Variants in ABCA13 observed in about 807,000 individuals in gnomAD.
The protein encoded by ABCA13 is ATP-binding cassette sub-family A member 13.
A neutral mutation model predicts 478.7 loss-of-function variants in ABCA13; 476 were observed. The observed-to-expected ratio is 0.99, with a 90% CI of 0.92 to 1.07. ABCA13 has a LOEUF of 1.07. ABCA13 is among the 50% of genes least tolerant of loss of function. The pLI, the probability that ABCA13 is intolerant of heterozygous loss-of-function variation, is 0.00. For missense variants in ABCA13, 6,060 were observed against 5,910.6 expected (o/e 1.03, Z -0.83); for synonymous variants, 2,252 against 2,158.9 (o/e 1.04, Z -1.20).
chr7:48,294,075 AT>A (rs199563157), intron 20 of ABCA13, among the ~76,000 whole-genome samples: 48 of 151,082 alleles, frequency 3.2e-4, no homozygotes, highest in Middle Eastern at 3.4e-3. Context: ...AGTTTCTTTA[AT>A]TTTTTTTTCA....
intron 23 of ABCA13, among the ~76,000 whole-genome samples, chr7:48,299,935 G>T (rs957573643): frequency 6.6e-6 from 1 of 152,176 alleles, no homozygotes; most frequent in East Asian, 1.9e-4. Flanking sequence ...TAAACAGCTG[G>T]ACAGTTAAGT....
intron 44 of ABCA13, among the ~76,000 whole-genome samples, chr7:48,469,790 C>T (rs2017490): frequency 0.16 from 24,139 of 151,874 alleles, 2,444 homozygotes; most frequent in East Asian, 0.23. Context: ...TAAGGTGGTG[C>T]GCACCCATAA....
intron 31 of ABCA13, among the ~76,000 whole-genome samples, chr7:48,356,591 AT>A (rs886911616): frequency 2.6e-5 from 4 of 151,722 alleles, no homozygotes; most frequent in African/African-American, 9.7e-5. Context: ...TTAACTAAAA[AT>A]TTTCCACTTT....
At chr7:48,242,837 C>G (rs909486760) in intron 10 of ABCA13, among the ~76,000 whole-genome samples, 23 of 152,332 alleles carry the variant, frequency 1.5e-4, no homozygotes, top group African/African-American at 5.5e-4. Flanking sequence ...AACCCCATCC[C>G]TTTTTCACTA....
intron 41 of ABCA13, among the ~76,000 whole-genome samples, chr7:48,417,532 T>G (rs1007351861): frequency 6.6e-6 from 1 of 152,136 alleles, no homozygotes; most frequent in Non-Finnish European, 1.5e-5. Flanking sequence ...TTTAAAAACC[T>G]TTTAAAGAGC....
Position 48,273,540 on chromosome 7 carries a change from A to T in ABCA13, c.3874A>T (p.Ser1292Cys). 6.3e-7 allele frequency: 1 copy of T among 1,583,936 alleles called. No individual in the cohort carries two copies. The highest frequency in any genetic ancestry group is 1.3e-5 in the African/African-American group (1 of 74,578). The change falls in exon 17 of 62, where the codon AGC becomes TGC. Residue 1292 changes from serine (S) to cysteine (C), a missense_variant. Ser to Cys is a moderately radical substitution (Grantham distance 112). This residue lies in a region of ABCA13 where 4,423 missense variants were observed against 4,309.1 expected (regional missense o/e 1.03). Transcript: ENST00000435803. ...NSLLEVFIEF[S>C]STSEYIVRNL... is the part of the protein sequence containing the mutation. The stretch of plus-strand genomic sequence containing the variant: ...TCTGCTTGAAGTTTTCATTGAGTTT[A>T]GCAGTACCTCAGAATATATAGTCAG...
intron 54 of ABCA13, among the ~76,000 whole-genome samples, chr7:48,525,670 C>CAAT (rs1832840025): frequency 1.5e-5 from 1 of 68,306 alleles, no homozygotes; most frequent in Non-Finnish European, 2.9e-5. Context: ...TTTAGATGCG[C>CAAT]TTTTTTTTTT....
At position 48,276,253 on chromosome 7, in the gene ABCA13, C is replaced by T. The variant is rs767025725; in HGVS notation, c.6587C>T (p.Thr2196Ile). 1 of 1,572,640 alleles carries T rather than the reference C, an allele frequency of 6.4e-7. No individual in the cohort carries two copies. Among genetic ancestry groups the T allele is most frequent in the East Asian group, 2.3e-5 (1 of 43,222 alleles). Residue 2196 changes from threonine to isoleucine, a missense_variant, in exon 17 of 62, where the codon ACT (threonine) becomes ATT (isoleucine). Physicochemically the swap from Thr to Ile is moderately conservative, Grantham distance 89. Coordinates refer to ENST00000435803, the MANE Select transcript of ABCA13 (RefSeq NM_152701.5). The stretch of plus-strand genomic sequence containing the variant: ...CATCTGCTAAATCAAGAACAGCTGA[C>T]TAATTTCTCAGTTGTTCAGCTGCTT... The part of the protein sequence containing the change: ...LTHLLNQEQL[T>I]NFSVVQLLFE...
At chr7:48,193,158 T>A (rs1797329612) in intron 2 of ABCA13, 106 bp downstream of exon 2, 11 of 773,746 alleles carry the variant, frequency 1.4e-5, no homozygotes, top group Non-Finnish European at 2.3e-5. Context: ...GTGAAATGAA[T>A]AGATAGGGTT....
At chr7:48,632,877 A>G (rs1794280146) in intron 59 of ABCA13, among the ~76,000 whole-genome samples, 1 of 152,212 alleles carries the variant, frequency 6.6e-6, no homozygotes, top group Non-Finnish European at 1.5e-5. Flanking sequence ...ATGCAAAAGT[A>G]TGAAGCTGGG....
In ABCA13 at chr7:48,307,537, G is replaced by A. The variant is rs552776575; in HGVS notation, c.9322-2410G>A. ...GTGAGTCAGTGAGTGAGTGGCAAGC[G>A]GATGTGCAGGCCTAGGACATGCCTG... On this transcript the variant is annotated intron_variant, in intron 23 of 61. Coordinates refer to ENST00000435803, the MANE Select transcript of ABCA13 (RefSeq NM_152701.5). Among the ~76,000 whole-genome samples, 362 of 152,198 alleles carry A rather than the reference G, an allele frequency of 2.4e-3. 14 individuals are homozygous for A. In the South Asian group the frequency reaches 0.067, roughly 28 times the overall value.
rs1358032896 is a variant in ABCA13 at position 48,641,233 on chromosome 7, C to T, written c.14838-2055C>T. Among the ~76,000 whole-genome samples, 3 of 152,270 alleles carry T rather than the reference C, an allele frequency of 2.0e-5. No homozygotes were observed. In the East Asian group the frequency reaches 5.8e-4, roughly 29 times the overall value. ...CCTAATATGCATAAGAACATACAGC[C>T]ATCTCTGTGCCACTGTCTCCTCATA... On this transcript the variant is annotated intron_variant, in intron 59 of 61. Coordinates refer to ENST00000435803, the MANE Select transcript of ABCA13 (RefSeq NM_152701.5).
At chr7:48,543,020 C>T (rs1834038776) in intron 55 of ABCA13, among the ~76,000 whole-genome samples, 1 of 151,638 alleles carries the variant, frequency 6.6e-6, no homozygotes, top group Non-Finnish European at 1.5e-5. Flanking sequence ...ACACATTTTA[C>T]ATTAGTGATA....
At chr7:48,280,050 T>A in intron 18 of ABCA13, 130 bp downstream of exon 18, 1 of 1,041,598 alleles carries the variant, frequency 9.6e-7, no homozygotes, top group Non-Finnish European at 1.3e-6. Flanking sequence ...CACTCTGAAG[T>A]TGGCTTCAAC....
intron 58 of ABCA13, among the ~76,000 whole-genome samples, chr7:48,606,260 C>T (rs767989443): frequency 2.6e-5 from 4 of 152,094 alleles, no homozygotes; most frequent in African/African-American, 2.4e-5. Context: ...CCCTTGATGG[C>T]GAGGAGTTGT....
At position 48,520,260 on chromosome 7, in the gene ABCA13, G is replaced by T. The variant is rs1832450539; in HGVS notation, c.14017G>T (p.Val4673Phe). 2 of 1,613,150 alleles carry T rather than the reference G, an allele frequency of 1.2e-6. No individual in the cohort carries two copies. Among genetic ancestry groups the T allele is most frequent in the Non-Finnish European group, 1.7e-6 (2 of 1,179,600 alleles). Residue 4673 changes from valine to phenylalanine, a missense_variant, in exon 53 of 62, where the codon GTT becomes TTT. By Grantham distance (50) the Val-to-Phe change is conservative (BLOSUM62 -1). Transcript: ENST00000435803. ...GGGCACAGTACTTCTCCTCTTGAGGGTTCTGCTACACTGGGACCTTCTGCG... is the reference window on the plus strand; with the variant it reads ...GGGCACAGTACTTCTCCTCTTGAGGTTTCTGCTACACTGGGACCTTCTGCG... ...SQGTVLLLLR[V>F]LLHWDLLRWP...
intron 55 of ABCA13, among the ~76,000 whole-genome samples, chr7:48,567,839 C>T (rs184054126): frequency 1.2e-3 from 187 of 151,962 alleles, no homozygotes; most frequent in African/African-American, 4.0e-3. Flanking sequence ...TTTACATGAG[C>T]GATTTTTTCC....
chr7:48,304,068 T>C (rs1228063387), intron 23 of ABCA13, among the ~76,000 whole-genome samples: 1 of 152,232 alleles, frequency 6.6e-6, no homozygotes, highest in African/African-American at 2.4e-5. Context: ...AGCAATTTTC[T>C]TTTTCTTCAA....
chr7:48,212,407 A>C (rs1393322180), intron 3 of ABCA13, among the ~76,000 whole-genome samples: 1 of 152,212 alleles, frequency 6.6e-6, no homozygotes, highest in Non-Finnish European at 1.5e-5. Flanking sequence ...TAAAAAATAA[A>C]TCTGTGTGTG....
Sources: gnomAD v4.1 joint callset for allele counts (sites outside exome capture counted in the v4.1 genomes callset) on GRCh38, gnomAD v4.1.1 for gene constraint, gnomAD v4.1.1 regional missense constraint, MANE v1.5 for transcripts, NCBI Gene and HGNC (gene_info 2026-07-23, HGNC 2026-07-21) for gene names.